The following MDH1B variants were observed in gnomAD, a reference collection of about 807,000 sequenced individuals.
The protein encoded by MDH1B is malate dehydrogenase 1B, also known as putative malate dehydrogenase 1B.
MDH1B carries 60 observed loss-of-function variants against 61.4 expected under a neutral mutation model. The observed-to-expected ratio is 0.98, with a 90% CI of 0.79 to 1.21. The LOEUF (loss-of-function observed/expected upper bound fraction) is 1.21. Among genes scored for constraint, MDH1B ranks in the 50% most tolerant of loss-of-function variants. The pLI is 0.00. For synonymous variants in MDH1B, 236 were observed against 218.7 expected (o/e 1.08, Z -0.70); for missense variants, 587 against 632.1 (o/e 0.93, Z 0.76).
intron 10 of MDH1B, 65 bp downstream of exon 10, chr2:206,740,989 C>T: frequency 4.4e-6 from 7 of 1,603,782 alleles, no homozygotes; most frequent in East Asian, 2.2e-5. Flanking sequence ...TATTCTCTAA[C>T]AACTGGACAA....
chr2:206,755,892 C>T (rs1688731869), intron 4 of MDH1B, among the ~76,000 whole-genome samples: 1 of 151,062 alleles, frequency 6.6e-6, no homozygotes, highest in South Asian at 2.1e-4. Context: ...TTAAAAAATA[C>T]AACCTCATCT....
intron 7 of MDH1B, among the ~76,000 whole-genome samples, chr2:206,747,658 T>C (rs1230108341): frequency 2.0e-5 from 3 of 152,174 alleles, no homozygotes; most frequent in African/African-American, 7.2e-5. Context: ...CAACTAATCA[T>C]ACTATCAAAA....
chr2:206,756,912 C>T lies in MDH1B; in HGVS notation c.399G>A (p.Gln133=), dbSNP rs1326339900. 6.2e-7 allele frequency: 1 copy of T among 1,614,138 alleles called. No individual in the cohort carries two copies. The highest frequency in any genetic ancestry group is 8.5e-7 in the Non-Finnish European group (1 of 1,180,014). ...GACTGTCCCACCTGGTGATCCAGAC[C>T]TGCAAGGGGTTGATGCAAGTTTTCA... ...EALKTCINPL[Q]VWITSASAPA... Residue 133 remains glutamine (Q), a synonymous_variant, in exon 4 of 12, where the codon CAG becomes CAA. Coordinates refer to ENST00000374412, the MANE Select transcript of MDH1B (RefSeq NM_001039845.3).
At position 206,738,434 on chromosome 2, in the gene MDH1B, A is replaced by C. The variant is rs371880231; in HGVS notation, c.*49T>G. On this transcript the variant is annotated 3_prime_UTR_variant, in exon 12 of 12. Transcript: ENST00000374412. ...ATAGACATTCATATAAATTCTTTCTATGTTTATTGTGCTATCAAGTAATTA... is the reference window on the plus strand; with the variant it reads ...ATAGACATTCATATAAATTCTTTCTCTGTTTATTGTGCTATCAAGTAATTA... The C allele has an allele frequency of 1.5e-6, 2 of 1,354,666 alleles. No homozygotes were observed. Among genetic ancestry groups the C allele is most frequent in the Non-Finnish European group, 2.1e-6 (2 of 974,990 alleles). 83.9% of individuals were successfully genotyped at this position (1,354,666 alleles called of 1,614,324 possible).
intron 9 of MDH1B, among the ~76,000 whole-genome samples, chr2:206,744,395 C>CA (rs1406856899): frequency 1.3e-5 from 2 of 152,112 alleles, no homozygotes; most frequent in Admixed American, 6.6e-5. Flanking sequence ...TATTGGGCTC[C>CA]AAAAGACACT....
chr2:206,741,164 G>C (rs1687787472), intron 9 of MDH1B, 60 bp from the exon 10 acceptor site: 2 of 1,601,000 alleles, frequency 1.2e-6, no homozygotes, highest in East Asian at 4.5e-5. Context: ...ACCTAACTAG[G>C]TCATGAGATG....
At chr2:206,747,453 G>T (rs1208240255) in intron 7 of MDH1B, among the ~76,000 whole-genome samples, 2 of 152,182 alleles carry the variant, frequency 1.3e-5, no homozygotes, top group Non-Finnish European at 2.9e-5. Context: ...TAAAGGTAAG[G>T]TTTTAAGTGC....
At chr2:206,754,872 T>C in intron 5 of MDH1B, 137 bp downstream of exon 5, 1 of 980,924 alleles carries the variant, frequency 1.0e-6, no homozygotes. Flanking sequence ...AATCACACAA[T>C]AAGTTCTTTA....
intron 9 of MDH1B, 82 bp downstream of exon 9, chr2:206,745,540 T>C: frequency 9.6e-7 from 1 of 1,036,798 alleles, no homozygotes; most frequent in Non-Finnish European, 1.5e-6. Flanking sequence ...GAGTTATTCA[T>C]ATTAACAGTG....
At chr2:206,749,996 C>T (rs867920233) in intron 6 of MDH1B, among the ~76,000 whole-genome samples, 17 of 152,242 alleles carry the variant, frequency 1.1e-4, no homozygotes, top group Middle Eastern at 3.4e-3. Context: ...TAACCCTGCA[C>T]GACACAGCTC....
intron 8 of MDH1B, among the ~76,000 whole-genome samples, chr2:206,745,985 C>T (rs1407264842): frequency 2.6e-5 from 4 of 152,066 alleles, no homozygotes; most frequent in East Asian, 3.9e-4. Context: ...CCACCCACCT[C>T]GACCTCCCAA....
intron 2 of MDH1B, among the ~76,000 whole-genome samples, chr2:206,758,099 A>G (rs1289993188): frequency 1.3e-5 from 2 of 152,188 alleles, no homozygotes; most frequent in Non-Finnish European, 2.9e-5. Flanking sequence ...CAATGCTGCT[A>G]TGAGGATTCC....
intron 4 of MDH1B, chr2:206,756,695 A>C (rs1429646658): frequency 9.4e-5 from 54 of 571,606 alleles, no homozygotes; most frequent in Non-Finnish European, 1.5e-4. Flanking sequence ...ATAAAACATA[A>C]AACTCATTTA....
rs187296611 is a variant in MDH1B, at chr2:206,756,540, G to C, written c.413+358C>G. On this transcript the variant is annotated intron_variant, in intron 4 of 11. Transcript: ENST00000374412. ...GCAAGGCGAGGGGAGTGGGGTTACA[G>C]AGAGGGAGTGGGTGCATAGAGAAAA... 3.8e-4 allele frequency: 79 copies of C among 205,258 alleles called. 1 individual carries two copies. Among genetic ancestry groups the C allele is most frequent in the Middle Eastern group, 2.0e-3 (1 of 508 alleles). 12.7% of individuals were successfully genotyped at this position (205,258 alleles called of 1,614,324 possible). A position where few individuals can be genotyped will look rare whatever the true frequency, so the allele number is the denominator to read the frequency against.
chr2:206,741,007 C>T, intron 10 of MDH1B, 47 bp downstream of exon 10: 1 of 1,610,550 alleles, frequency 6.2e-7, no homozygotes, highest in Non-Finnish European at 8.5e-7. Context: ...CAATATGAGT[C>T]ACGACTATTA....
At chr2:206,750,172 G>A (rs1456026709) in intron 6 of MDH1B, among the ~76,000 whole-genome samples, 1 of 151,924 alleles carries the variant, frequency 6.6e-6, no homozygotes, top group Non-Finnish European at 1.5e-5. Context: ...GGAAAGTGCT[G>A]CAAAGTTTAG....
chr2:206,741,129 T>A, intron 9 of MDH1B, 25 bp from the exon 10 acceptor site: 2 of 1,612,172 alleles, frequency 1.2e-6, no homozygotes, highest in Non-Finnish European at 1.7e-6. Flanking sequence ...AAATAAAACA[T>A]GCTGGATTTA....
chr2:206,758,019 A>G (rs980509136), intron 2 of MDH1B, among the ~76,000 whole-genome samples: 1 of 152,198 alleles, frequency 6.6e-6, no homozygotes, highest in African/African-American at 2.4e-5. Flanking sequence ...CACCTTACCA[A>G]TAAAATCCTG....
At chr2:206,753,209 G>A (rs1688552587) in intron 5 of MDH1B, among the ~76,000 whole-genome samples, 1 of 152,112 alleles carries the variant, frequency 6.6e-6, no homozygotes, top group Non-Finnish European at 1.5e-5. Flanking sequence ...TTGAGCCCCA[G>A]CATCCAGCTA....
Sources: gnomAD v4.1 joint callset for allele counts (sites outside exome capture counted in the v4.1 genomes callset) on GRCh38, gnomAD v4.1.1 for gene constraint, MANE v1.5 for transcripts, NCBI Gene and HGNC (gene_info 2026-07-23, HGNC 2026-07-21) for gene names.